EML5: variants seen among roughly 807,000 people sequenced by gnomAD.
The protein encoded by EML5 is echinoderm microtubule-associated protein-like 5.
Under a neutral mutation model 250.0 loss-of-function variants are expected in EML5, and 120 were observed. The observed-to-expected ratio is 0.48, with a 90% CI of 0.41 to 0.56. The LOEUF is 0.56. EML5 is among the 20% of genes least tolerant of loss of function. The pLI is 0.00. For missense variants in EML5, 2,006 were observed against 2,437.6 expected (o/e 0.82, Z 3.73); for synonymous variants, 771 against 806.5 (o/e 0.96, Z 0.75).
At chr14:88,711,432 A>C (rs1277748956) in intron 10 of EML5, among the ~76,000 whole-genome samples, 1 of 87,608 alleles carries the variant, frequency 1.1e-5, no homozygotes, top group Non-Finnish European at 2.0e-5. Flanking sequence ...CAGAAGGTGA[A>C]GGGGAAGCAA....
chr14:88,730,919 G>C (rs535809652), intron 7 of EML5, among the ~76,000 whole-genome samples: 1 of 152,148 alleles, frequency 6.6e-6, no homozygotes, highest in Admixed American at 6.5e-5. Flanking sequence ...TTATTCTTTA[G>C]CACGTACTTA....
Position 88,688,440 on chromosome 14 carries a change from C to G in EML5, c.2573G>C (p.Gly858Ala). 1.2e-6 allele frequency: 2 copies of G among 1,613,896 alleles called. No individual in the cohort carries two copies. Among genetic ancestry groups the G allele is most frequent in the Non-Finnish European group, 1.7e-6 (2 of 1,179,884 alleles). Residue 858 changes from glycine (G) to alanine (A), a missense_variant, in exon 18 of 44, where the codon GGC (glycine) becomes GCC (alanine). Physicochemically the swap from Gly to Ala is moderately conservative, Grantham distance 60 (BLOSUM62 0). Transcript: ENST00000554922. ...CATTGTGTCATTTTTCCCCAGTGTG[C>G]CTATGTAGCCTTTTCTTCCAATCAA... The part of the protein sequence containing the change: ...GGLIGRKGYI[G>A]TLGKNDTMMC...
intron 7 of EML5, among the ~76,000 whole-genome samples, chr14:88,729,484 A>T (rs1450877295): frequency 6.6e-6 from 1 of 152,206 alleles, no homozygotes; most frequent in Non-Finnish European, 1.5e-5. Context: ...TTGAAACACA[A>T]GAAAATTATT....
chr14:88,792,161 G>A lies in EML5; in HGVS notation c.197+146C>T. On this transcript the variant is annotated intron_variant, in intron 1 of 43. Transcript: ENST00000554922. This position sits in a 1 kb window ranked among gnomAD's most constrained non-coding sequence, Gnocchi z 6.9. ...AAAGGCATTTGTAGGGTGTTAACTG[G>A]TGGACTCGGGACCAGAGAGACAGCT... 1.1e-6 allele frequency: 1 copy of A among 932,372 alleles called. No individual in the cohort carries two copies. Among genetic ancestry groups the A allele is most frequent in the South Asian group, 1.8e-5 (1 of 57,064 alleles). The allele number at this position is 932,372 out of a possible 1,614,324, so 57.8% of individuals were successfully genotyped here.
At chr14:88,782,362 C>A (rs2094506025) in intron 1 of EML5, among the ~76,000 whole-genome samples, 1 of 152,176 alleles carries the variant, frequency 6.6e-6, no homozygotes, top group Non-Finnish European at 1.5e-5. Flanking sequence ...GGAAATTTTT[C>A]AGCCTGATGA....
chr14:88,638,219 T>C (rs2090848084), intron 32 of EML5, among the ~76,000 whole-genome samples: 1 of 152,218 alleles, frequency 6.6e-6, no homozygotes, highest in Admixed American at 6.5e-5. Context: ...TGCCATCCTC[T>C]CATCAGTTTG....
At chr14:88,665,094 G>C (rs956463088) in intron 22 of EML5, among the ~76,000 whole-genome samples, 1 of 152,102 alleles carries the variant, frequency 6.6e-6, no homozygotes, top group African/African-American at 2.4e-5. Flanking sequence ...CACAAATGAG[G>C]AAACAAAAGC....
At chr14:88,687,957 G>T (rs1271065171) in intron 18 of EML5, among the ~76,000 whole-genome samples, 1 of 152,114 alleles carries the variant, frequency 6.6e-6, no homozygotes, top group Non-Finnish European at 1.5e-5. Context: ...TGTAGTCACA[G>T]CTACTCAAGA....
chr14:88,698,611 T>C (rs1595565941), intron 14 of EML5, among the ~76,000 whole-genome samples: 1 of 152,158 alleles, frequency 6.6e-6, no homozygotes, highest in East Asian at 1.9e-4. Context: ...CCTCACCTGT[T>C]ACTTAAATAC....
chr14:88,674,522 G>C (rs1221567694), intron 21 of EML5, among the ~76,000 whole-genome samples: 2 of 152,052 alleles, frequency 1.3e-5, no homozygotes, highest in African/African-American at 4.8e-5. Context: ...GCACAGGAAA[G>C]ACCCGCCCCC....
chr14:88,644,749 C>T (rs1354478220), intron 29 of EML5: 6 of 349,312 alleles, frequency 1.7e-5, no homozygotes, highest in African/African-American at 1.1e-4. Context: ...CTCACTCTGT[C>T]GCCCATGCTG....
At chr14:88,618,955 T>C in intron 39 of EML5, 143 bp from the exon 40 acceptor site, 1 of 669,532 alleles carries the variant, frequency 1.5e-6, no homozygotes, top group South Asian at 3.0e-5. Flanking sequence ...CAACTGATCA[T>C]GTATACTGAG....
At chr14:88,758,557 C>A (rs901621383) in intron 1 of EML5, among the ~76,000 whole-genome samples, 2 of 152,126 alleles carry the variant, frequency 1.3e-5, no homozygotes, top group Admixed American at 1.3e-4. Flanking sequence ...AAAAGCGTAA[C>A]CCTTAAACAT....
chr14:88,702,590 T>C lies in EML5; in HGVS notation c.2094A>G (p.Gln698=). 3 of 1,609,832 alleles carry C rather than the reference T, an allele frequency of 1.9e-6. No individual in the cohort carries two copies. Among genetic ancestry groups the C allele is most frequent in the Admixed American group, 1.7e-5 (1 of 59,438 alleles). The part of the protein sequence containing the change: ...YDCRSNLFYT[Q]IGEIVYHVAA... ...CCACATGGTACACAATTTCACCAAT[T>C]TGAGTATAAAACAGATTACTTCGAC... The change falls in exon 14 of 44, where the codon CAA becomes CAG. Residue 698 remains glutamine, a synonymous_variant. Coordinates refer to ENST00000554922, the MANE Select transcript of EML5 (RefSeq NM_183387.3).
chr14:88,700,040 A>G (rs945491632), intron 14 of EML5, among the ~76,000 whole-genome samples: 1 of 152,176 alleles, frequency 6.6e-6, no homozygotes, highest in Non-Finnish European at 1.5e-5. Flanking sequence ...TGAGCTCCCG[A>G]TAGTGGCAGC....
chr14:88,700,123 C>T (rs567514479), intron 14 of EML5, among the ~76,000 whole-genome samples: 1 of 152,260 alleles, frequency 6.6e-6, no homozygotes, highest in East Asian at 1.9e-4. Flanking sequence ...CAAGTATTTG[C>T]TGAATTAAAC....
chr14:88,659,928 CTTTATG>C (rs1346337254), intron 25 of EML5, among the ~76,000 whole-genome samples: 2 of 152,078 alleles, frequency 1.3e-5, no homozygotes, highest in Non-Finnish European at 2.9e-5. Flanking sequence ...TCAAATTTAT[CTTTATG>C]TTCATGTTGG....
intron 10 of EML5, among the ~76,000 whole-genome samples, chr14:88,707,783 C>T (rs940165299): frequency 6.6e-6 from 1 of 152,116 alleles, no homozygotes; most frequent in Non-Finnish European, 1.5e-5. Context: ...TTTAACTTCG[C>T]ATAGTTCAGC....
intron 14 of EML5, among the ~76,000 whole-genome samples, chr14:88,701,492 T>C (rs141725629): frequency 3.3e-4 from 50 of 152,206 alleles, no homozygotes; most frequent in African/African-American, 1.0e-3. Flanking sequence ...TAGAATGTGC[T>C]TGATGAATGT....
Sources: gnomAD v4.1 joint callset for allele counts (sites outside exome capture counted in the v4.1 genomes callset) on GRCh38, gnomAD v4.1.1 for gene constraint, Gnocchi (gnomAD v3.1) non-coding constraint, MANE v1.5 for transcripts, NCBI Gene and HGNC (gene_info 2026-07-23, HGNC 2026-07-21) for gene names.